The following NDRG4 variants were observed in gnomAD, a reference collection of about 807,000 sequenced individuals.
The protein encoded by NDRG4 is protein NDRG4.
Under a neutral mutation model 55.8 loss-of-function variants are expected in NDRG4, and 38 were observed. The ratio of observed to expected loss-of-function variants is 0.68; its 90% CI spans 0.53 to 0.89. NDRG4 has a LOEUF of 0.89. NDRG4 is among the 40% of genes least tolerant of loss of function. The pLI, the probability that NDRG4 is intolerant of heterozygous loss-of-function variation, is 0.00. For synonymous variants in NDRG4, 190 were observed against 182.7 expected (o/e 1.04, Z -0.32); for missense variants, 455 against 468.6 (o/e 0.97, Z 0.27).
rs186044771 is a variant in NDRG4 at position 58,476,255 on chromosome 16, T to C, written c.-23-11501T>C. Among the ~76,000 whole-genome samples the C allele has an allele frequency of 3.4e-3, 512 of 152,270 alleles. 5 individuals carry two copies. The highest frequency in any genetic ancestry group is 0.012 in the African/African-American group (485 of 41,554). On this transcript the variant is annotated intron_variant, in intron 1 of 15. Coordinates refer to the NDRG4 transcript ENST00000258187. ...TTAAGGAAGAAGGGGAGAACAGATA[T>C]GGGGGGATAATTAGCAGTCTCTGCT...
At chr16:58,506,733 C>CAG in intron 7 of NDRG4, 119 bp downstream of exon 7, 1 of 1,275,166 alleles carries the variant, frequency 7.8e-7, no homozygotes, top group East Asian at 2.5e-5. Flanking sequence ...GATGCTAAGC[C>CAG]ATCTGAAAGA....
rs1360679931 is a variant in NDRG4, at chr16:58,504,642, A to G, written c.365A>G (p.Lys122Arg). Reference protein sequence around the residue: ...GVGAGAYVLAKFALIFPDLVE... With the variant: ...GVGAGAYVLARFALIFPDLVE... ...GGCGCCGGAGCCTATGTGCTGGCCA[A>G]GTTTGCAGTGAGTCTCCCCATGCCC... The change falls in exon 5 of 15, where the codon AAG becomes AGG. Residue 122 changes from lysine (K) to arginine (R), a missense_variant. Transcript: ENST00000570248. The G allele has an allele frequency of 6.2e-7, 1 of 1,614,202 alleles. No individual in the cohort carries two copies. The highest frequency in any genetic ancestry group is 8.5e-7 in the Non-Finnish European group (1 of 1,180,030).
In NDRG4 at chr16:58,504,235, C is replaced by A; in HGVS notation, c.209C>A (p.Ala70Asp). The change falls in exon 3 of 15, where the codon GCC (alanine) becomes GAC (aspartate). Residue 70 changes from alanine (A) to aspartate (D), a missense_variant. Ala to Asp is a moderately radical substitution (Grantham distance 126). Coordinates refer to ENST00000570248, the MANE Select transcript of NDRG4 (RefSeq NM_001242835.2). ...TKHFVVCHVD[A>D]PGQQVGASQF... is the part of the protein sequence containing the mutation. ...CACTTTGTGGTGTGTCACGTGGATG[C>A]CCCTGGACAACAGGTGGGGGCGTCG... 1 of 1,614,162 alleles carries A rather than the reference C, an allele frequency of 6.2e-7. No individual in the cohort carries two copies. Among genetic ancestry groups the A allele is most frequent in the Non-Finnish European group, 8.5e-7 (1 of 1,180,020 alleles).
intron 1 of NDRG4, among the ~76,000 whole-genome samples, chr16:58,467,452 G>A (rs370186698): frequency 2.0e-5 from 3 of 152,106 alleles, no homozygotes; most frequent in African/African-American, 7.2e-5. Context: ...GGTTGCAGTG[G>A]GCCAAGATTG....
At chr16:58,479,947 CCTT>C (rs1411422175) in intron 1 of NDRG4, among the ~76,000 whole-genome samples, 1 of 152,146 alleles carries the variant, frequency 6.6e-6, no homozygotes, top group Non-Finnish European at 1.5e-5. Flanking sequence ...TTTTCTTTCT[CCTT>C]ATTGAGCCCT....
chr16:58,465,560 G>T (rs894095979), intron 1 of NDRG4, among the ~76,000 whole-genome samples: 35 of 142,528 alleles, frequency 2.5e-4, no homozygotes, highest in African/African-American at 8.9e-4. Context: ...CGGGGGAGGG[G>T]GCTAGAAGGT....
At chr16:58,477,123 A>G (rs781253415) in intron 1 of NDRG4, among the ~76,000 whole-genome samples, 36 of 151,376 alleles carry the variant, frequency 2.4e-4, no homozygotes, top group Admixed American at 4.6e-4. Context: ...TATATATGAT[A>G]TATATGTGAT....
At chr16:58,484,276 A>G (rs1244922450) in intron 1 of NDRG4, among the ~76,000 whole-genome samples, 1 of 151,428 alleles carries the variant, frequency 6.6e-6, no homozygotes, top group Non-Finnish European at 1.5e-5. Context: ...GGGAGGATGA[A>G]GCAGGAGAAT....
intron 2 of NDRG4, among the ~76,000 whole-genome samples, chr16:58,493,853 T>C (rs2036075299): frequency 6.6e-6 from 1 of 151,956 alleles, no homozygotes; most frequent in Non-Finnish European, 1.5e-5. Context: ...GTGGCCCGAG[T>C]CTGAGCTGGC....
chr16:58,467,176 C>G (rs748174453), intron 1 of NDRG4, among the ~76,000 whole-genome samples: 1 of 152,158 alleles, frequency 6.6e-6, no homozygotes, highest in East Asian at 1.9e-4. Flanking sequence ...CTCCCTGCCC[C>G]GACATCAGCC....
chr16:58,476,493 G>A (rs558694169), intron 1 of NDRG4, among the ~76,000 whole-genome samples: 66 of 151,486 alleles, frequency 4.4e-4, no homozygotes, highest in Non-Finnish European at 2.5e-4. Flanking sequence ...TTATGAAAGC[G>A]CTGTGTTATG....
intron 1 of NDRG4, among the ~76,000 whole-genome samples, chr16:58,503,032 GGA>G (rs2151791602): frequency 6.6e-6 from 1 of 152,372 alleles, no homozygotes; most frequent in African/African-American, 2.4e-5. Flanking sequence ...GGTTCTGGAT[GGA>G]GAGGCTGAGG....
intron 1 of NDRG4, chr16:58,500,957 G>A (rs886934130): frequency 4.6e-5 from 57 of 1,226,014 alleles, no homozygotes; most frequent in Non-Finnish European, 5.5e-5. Context: ...GGAGGAACGA[G>A]GAGGGGTTGC....
At chr16:58,478,452 G>A (rs1404213297) in intron 1 of NDRG4, among the ~76,000 whole-genome samples, 2 of 151,922 alleles carry the variant, frequency 1.3e-5, no homozygotes, top group South Asian at 4.2e-4. Flanking sequence ...TTTGGAGAAG[G>A]CCAAGGAGGA....
chr16:58,501,742 A>T (rs1597277174), intron 1 of NDRG4: 1 of 318,030 alleles, frequency 3.1e-6, no homozygotes, highest in East Asian at 8.1e-5. Context: ...GCCCTAGTAG[A>T]GCCTGATCAC....
intron 1 of NDRG4, chr16:58,500,805 G>A: frequency 2.4e-6 from 1 of 420,032 alleles, no homozygotes; most frequent in Non-Finnish European, 4.1e-6. Context: ...GGATGGCTGC[G>A]CCAGTGTGAT....
At chr16:58,487,741 GC>G in intron 1 of NDRG4, 1 of 1,517,382 alleles carries the variant, frequency 6.6e-7, no homozygotes. Context: ...CCTCAACCTC[GC>G]CCTCCCTCCC....
Position 58,505,047 on chromosome 16 carries a change from A to T in NDRG4, c.372+398A>T, listed in dbSNP as rs185398147. On this transcript the variant is annotated intron_variant, in intron 5 of 14. Coordinates refer to ENST00000570248, the MANE Select transcript of NDRG4 (RefSeq NM_001242835.2). ...AAATTTTATTATGGTTGGGAGGTTT[A>T]AAGAAGGCACATTTCAAAAACATCA... Among the ~76,000 whole-genome samples the T allele has an allele frequency of 2.2e-3, 331 of 152,264 alleles. 4 individuals are homozygous for T. The highest frequency in any genetic ancestry group is 3.9e-3 in the Non-Finnish European group (266 of 68,014).
chr16:58,478,250 A>C (rs535817694), intron 1 of NDRG4, among the ~76,000 whole-genome samples: 1 of 152,234 alleles, frequency 6.6e-6, no homozygotes, highest in African/African-American at 2.4e-5. Flanking sequence ...TTAGCCAGGC[A>C]TGGTGGCGGG....
Sources: allele counts gnomAD v4.1 joint callset (sites outside exome capture counted in the v4.1 genomes callset), GRCh38; gene constraint gnomAD v4.1.1; transcripts MANE v1.5; gene names NCBI Gene and HGNC (gene_info 2026-07-23, HGNC 2026-07-21).